The following OSBPL8 variants were observed in gnomAD, a reference collection of about 807,000 sequenced individuals.
OSBPL8 encodes the protein oxysterol binding protein like 8.
Under a neutral mutation model 125.5 loss-of-function variants are expected in OSBPL8, and 59 were observed. That is an observed-to-expected ratio of 0.47 (90% CI 0.38 to 0.58). The LOEUF (loss-of-function observed/expected upper bound fraction) is 0.58, where lower values mean the gene tolerates loss of function less well. Ranked by LOEUF, OSBPL8 falls within the 20% of genes least tolerant of loss-of-function variation. The pLI is 0.00. For synonymous variants in OSBPL8, 330 were observed against 338.9 expected (o/e 0.97, Z 0.29); for missense variants, 758 against 1,047.8 (o/e 0.72, Z 3.82).
At chr12:76,462,136 A>C (rs775713442) in intron 2 of OSBPL8, among the ~76,000 whole-genome samples, 3 of 152,220 alleles carry the variant, frequency 2.0e-5, no homozygotes, top group Non-Finnish European at 4.4e-5. Context: ...TCACAAGGCC[A>C]GTCATGTTTG....
chr12:76,443,981 G>C (rs1393650846), intron 4 of OSBPL8, among the ~76,000 whole-genome samples: 1 of 152,026 alleles, frequency 6.6e-6, no homozygotes, highest in Non-Finnish European at 1.5e-5. Flanking sequence ...ATAATTTCTT[G>C]AATAATCTAA....
At chr12:76,448,369 A>C (rs1353018558) in intron 4 of OSBPL8, among the ~76,000 whole-genome samples, 2 of 152,190 alleles carry the variant, frequency 1.3e-5, no homozygotes, top group African/African-American at 4.8e-5. Context: ...TCCTAAGTTA[A>C]AGAATTCCTC....
chr12:76,530,423 C>A (rs757886487), intron 1 of OSBPL8, among the ~76,000 whole-genome samples: 29 of 152,080 alleles, frequency 1.9e-4, no homozygotes, highest in Non-Finnish European at 7.4e-5. Context: ...CACTCTCTCA[C>A]TTCTTGCAGG....
In OSBPL8 at chr12:76,402,743, G is replaced by C; in HGVS notation, c.312C>G (p.Gly104=). The change falls in exon 6 of 24, where the codon GGC becomes GGG. Residue 104 remains glycine (G), a synonymous_variant. Transcript: ENST00000261183. The stretch of plus-strand genomic sequence containing the variant: ...TTGAAGTTGAACTGTCCTTCTCTGA[G>C]CCATTATAAAGTTTAGATTCAGACT... ...KSKSESKLYN[G]SEKDSSTSSK... 1 of 1,605,354 alleles carries C rather than the reference G, an allele frequency of 6.2e-7. No homozygotes were observed. The highest frequency in any genetic ancestry group is 8.5e-7 in the Non-Finnish European group (1 of 1,172,984).
intron 2 of OSBPL8, among the ~76,000 whole-genome samples, chr12:76,470,362 T>C (rs921789409): frequency 7.2e-5 from 11 of 152,178 alleles, no homozygotes; most frequent in Admixed American, 3.9e-4. Context: ...GGTTATGAAA[T>C]AGCACAACCG....
chr12:76,533,480 T>A (rs772720774), intron 1 of OSBPL8, among the ~76,000 whole-genome samples: 1 of 152,216 alleles, frequency 6.6e-6, no homozygotes, highest in Non-Finnish European at 1.5e-5. Flanking sequence ...AAATATCTAT[T>A]TGAGCAGCTG....
chr12:76,484,128 C>G (rs1877869847), intron 2 of OSBPL8, among the ~76,000 whole-genome samples: 1 of 152,196 alleles, frequency 6.6e-6, no homozygotes, highest in Admixed American at 6.5e-5. Context: ...AATTTGGTCT[C>G]TATCTGGCAT....
At chr12:76,445,867 A>G (rs929683964) in intron 4 of OSBPL8, among the ~76,000 whole-genome samples, 2 of 152,112 alleles carry the variant, frequency 1.3e-5, no homozygotes, top group South Asian at 2.1e-4. Flanking sequence ...CCCAAAAAAT[A>G]TATCTCCAAA....
chr12:76,496,553 T>G (rs1301141006), intron 1 of OSBPL8, among the ~76,000 whole-genome samples: 1 of 151,930 alleles, frequency 6.6e-6, no homozygotes, highest in Non-Finnish European at 1.5e-5. Flanking sequence ...CATTTTTTTT[T>G]TTTTGAGACA....
intron 14 of OSBPL8, among the ~76,000 whole-genome samples, chr12:76,384,567 C>T (rs572068933): frequency 2.0e-5 from 3 of 152,120 alleles, no homozygotes; most frequent in Non-Finnish European, 4.4e-5. Context: ...GTCACATAGG[C>T]CCCTCTTATA....
intron 1 of OSBPL8, among the ~76,000 whole-genome samples, chr12:76,524,331 G>A (rs1038396635): frequency 1.3e-5 from 2 of 152,274 alleles, no homozygotes; most frequent in East Asian, 1.9e-4. Context: ...TATTTGTTAG[G>A]AGGTGATAAT....
chr12:76,483,278 A>T (rs1042695895), intron 2 of OSBPL8, among the ~76,000 whole-genome samples: 7 of 150,852 alleles, frequency 4.6e-5, no homozygotes, highest in African/African-American at 1.7e-4. Context: ...AACATATAGT[A>T]TTGGCTGGCT....
At chr12:76,366,639 G>A (rs1952427222) in intron 21 of OSBPL8, 1 of 424,356 alleles carries the variant, frequency 2.4e-6, no homozygotes, top group African/African-American at 2.1e-5. Flanking sequence ...TAAGGTTATT[G>A]ATTTGAGATC....
At chr12:76,521,549 C>T (rs1592843907) in intron 1 of OSBPL8, among the ~76,000 whole-genome samples, 2 of 152,096 alleles carry the variant, frequency 1.3e-5, no homozygotes, top group African/African-American at 2.4e-5. Flanking sequence ...GTGGAAACAA[C>T]CCATCAACAA....
chr12:76,523,749 G>A (rs1950086366), intron 1 of OSBPL8, among the ~76,000 whole-genome samples: 1 of 152,124 alleles, frequency 6.6e-6, no homozygotes, highest in Non-Finnish European at 1.5e-5. Context: ...AGACTTTCCA[G>A]CCCCCAGAAC....
At chr12:76,513,067 C>A (rs1254558269) in intron 1 of OSBPL8, among the ~76,000 whole-genome samples, 1 of 152,218 alleles carries the variant, frequency 6.6e-6, no homozygotes, top group Non-Finnish European at 1.5e-5. Context: ...AAAAGTCATT[C>A]AGCAGCATGC....
At chr12:76,509,458 C>T (rs1880759832) in intron 1 of OSBPL8, among the ~76,000 whole-genome samples, 1 of 152,144 alleles carries the variant, frequency 6.6e-6, no homozygotes, top group Non-Finnish European at 1.5e-5. Context: ...CTAGTACCAA[C>T]ATCCTATTCA....
intron 21 of OSBPL8, chr12:76,366,455 G>GT: frequency 3.0e-6 from 1 of 331,806 alleles, no homozygotes. Flanking sequence ...CTAGCTGATG[G>GT]TTTATCGATT....
rs987798908 is a variant in OSBPL8, at chr12:76,438,465, G to A, written c.217+12386C>T. Among the ~76,000 whole-genome samples, 7 of 151,942 alleles carry A rather than the reference G, an allele frequency of 4.6e-5. No individual in the cohort carries two copies. In the South Asian group the frequency reaches 8.3e-4, roughly 18 times the overall value. On this transcript the variant is annotated intron_variant, in intron 4 of 23. Coordinates refer to ENST00000261183, the MANE Select transcript of OSBPL8 (RefSeq NM_020841.5). ...ACTACAGGTGTGTGCCACCATGCCC[G>A]GCTAACTTCTTAATAATTTTAATGA...
Sources: gnomAD v4.1 joint callset for allele counts (sites outside exome capture counted in the v4.1 genomes callset) on GRCh38, gnomAD v4.1.1 for gene constraint, MANE v1.5 for transcripts, NCBI Gene and HGNC (gene_info 2026-07-23, HGNC 2026-07-21) for gene names.